The following TMC3 variants were observed in gnomAD, a reference collection of about 807,000 sequenced individuals.
TMC3 encodes the protein transmembrane channel-like protein 3.
TMC3 carries 98 observed loss-of-function variants against 110.6 expected under a neutral mutation model. That is an observed-to-expected ratio of 0.89 (90% CI 0.75 to 1.05). The LOEUF (loss-of-function observed/expected upper bound fraction) is 1.05, where lower values mean the gene tolerates loss of function less well. Among genes scored for constraint, TMC3 ranks in the 50% least tolerant of loss-of-function variants. TMC3 has a pLI of 0.00. For missense variants in TMC3, 1,319 were observed against 1,373.2 expected, an observed-to-expected ratio of 0.96 and a Z score of 0.62; for synonymous variants, 489 against 513.1, an observed-to-expected ratio of 0.95 and a Z score of 0.63.
In TMC3 at chr15:81,331,344, T is replaced by C. The variant is rs1893458119; in HGVS notation, c.*1075A>G. The C allele has an allele frequency of 6.6e-6, 1 of 152,226 alleles. No individual in the cohort carries two copies. The highest frequency in any genetic ancestry group is 1.9e-4 in the East Asian group (1 of 5,194). 9.4% of individuals were successfully genotyped at this position (152,226 alleles called of 1,614,324 possible). A position where few individuals can be genotyped will look rare whatever the true frequency, so the allele number is the denominator to read the frequency against. On this transcript the variant is annotated 3_prime_UTR_variant, in exon 22 of 22. Transcript: ENST00000359440. ...CAACCTTGTAACTTTGCAGCTGCGCTAGGGTGGTGAAGCAGGAACTCGCTG... is the reference window on the plus strand; with the variant it reads ...CAACCTTGTAACTTTGCAGCTGCGCCAGGGTGGTGAAGCAGGAACTCGCTG...
At chr15:81,366,832 T>G (rs1327979043) in intron 3 of TMC3, among the ~76,000 whole-genome samples, 1 of 152,178 alleles carries the variant, frequency 6.6e-6, no homozygotes, top group Non-Finnish European at 1.5e-5. Flanking sequence ...TTCAGACATG[T>G]AAAATTTATG....
chr15:81,359,384 G>A lies in TMC3; in HGVS notation c.482C>T (p.Ala161Val). ...INIVLTIMTG[A>V]FIVIPELIAG... The stretch of plus-strand genomic sequence containing the variant: ...TCTTACCTCTGGAATGACAATAAAA[G>A]CACCTGTCATAATGGTGAGCACAAT... The change falls in exon 5 of 22, where the codon GCT becomes GTT. Residue 161 changes from alanine to valine, a missense_variant. By Grantham distance (64) the Ala-to-Val change is moderately conservative. Coordinates refer to ENST00000359440, the MANE Select transcript of TMC3 (RefSeq NM_001080532.3). 1.2e-6 allele frequency: 2 copies of A among 1,604,364 alleles called. No individual in the cohort carries two copies. Among genetic ancestry groups the A allele is most frequent in the Non-Finnish European group, 1.7e-6 (2 of 1,176,016 alleles).
intron 15 of TMC3, among the ~76,000 whole-genome samples, chr15:81,342,538 A>G (rs1893736229): frequency 6.6e-6 from 1 of 152,202 alleles, no homozygotes; most frequent in Non-Finnish European, 1.5e-5. Flanking sequence ...CTGTATTTGT[A>G]AAGATATTTT....
At chr15:81,363,611 G>A (rs944598218) in intron 3 of TMC3, among the ~76,000 whole-genome samples, 12 of 152,142 alleles carry the variant, frequency 7.9e-5, no homozygotes, top group African/African-American at 2.7e-4. Context: ...TTCATCTTCT[G>A]TTCATGATTT....
chr15:81,358,812 T>A (rs73448319), intron 5 of TMC3, among the ~76,000 whole-genome samples: 5,109 of 152,238 alleles, frequency 0.034, 286 homozygotes, highest in African/African-American at 0.11. Flanking sequence ...ATGGATTTTA[T>A]TTCTTTATGT....
Position 81,355,758 on chromosome 15 carries a change from A to G in TMC3, c.902T>C (p.Leu301Ser). The change falls in exon 9 of 22, where the codon TTG becomes TCG. Residue 301 changes from leucine (L) to serine (S), a missense_variant. Leu to Ser is a moderately radical substitution (Grantham distance 145). Transcript: ENST00000359440. ...AIVNSIREAI[L>S]EEQEKKKSKN... ...GCTTTTCTTTTTCTCCTGTTCTTCC[A>G]ATATAGCTTCCTTTAAGAAAAATAC... The G allele has an allele frequency of 2.5e-6, 4 of 1,591,718 alleles. No individual in the cohort carries two copies. The South Asian group carries it at 4.5e-5, about 18-fold the overall frequency.
At chr15:81,364,799 C>T (rs1894273802) in intron 3 of TMC3, among the ~76,000 whole-genome samples, 1 of 151,284 alleles carries the variant, frequency 6.6e-6, no homozygotes, top group Non-Finnish European at 1.5e-5. Flanking sequence ...ATGAAGTTCA[C>T]AGTCACTTCA....
chr15:81,366,376 G>A (rs1894317776), intron 3 of TMC3, among the ~76,000 whole-genome samples: 1 of 152,226 alleles, frequency 6.6e-6, no homozygotes. Context: ...TTGTGGGTTA[G>A]CACGAGCTGA....
chr15:81,335,700 A>G lies in TMC3; in HGVS notation c.2204-725T>C, dbSNP rs182057773. 1,442 of 152,504 alleles carry G rather than the reference A, an allele frequency of 9.5e-3. 7 individuals carry two copies. Among genetic ancestry groups the G allele is most frequent in the Non-Finnish European group, 0.015 (1,002 of 68,186 alleles). 9.4% of individuals were successfully genotyped at this position (152,504 alleles called of 1,614,324 possible). ...AGCCCCTAAAGCCCTTCTGGGTCCCATTCTCATTCATGTAGGCTGTGCCAT... is the reference window on the plus strand; with the variant it reads ...AGCCCCTAAAGCCCTTCTGGGTCCCGTTCTCATTCATGTAGGCTGTGCCAT... On this transcript the variant is annotated intron_variant, in intron 20 of 21. Transcript: ENST00000359440.
chr15:81,346,943 T>C lies in TMC3; in HGVS notation c.1194-500A>G, dbSNP rs139606031. Among the ~76,000 whole-genome samples, 26 of 152,326 alleles carry C rather than the reference T, an allele frequency of 1.7e-4. No homozygotes were observed. In the East Asian group the frequency reaches 4.8e-3, roughly 28 times the overall value. On this transcript the variant is annotated intron_variant, in intron 11 of 21. Coordinates refer to ENST00000359440, the MANE Select transcript of TMC3 (RefSeq NM_001080532.3). ...GCAGAATGCAATTTCAGGACCTCAGTGCTCTGCTTCTGAAATACAGGCTGG... is the reference window on the plus strand; with the variant it reads ...GCAGAATGCAATTTCAGGACCTCAGCGCTCTGCTTCTGAAATACAGGCTGG...
chr15:81,335,011 G>T (rs1413336435), intron 20 of TMC3, 36 bp from the exon 21 acceptor site: 1 of 1,606,072 alleles, frequency 6.2e-7, no homozygotes, highest in South Asian at 1.1e-5. Context: ...GAAGACAGGT[G>T]TCACTGAGCA....
chr15:81,358,723 T>C (rs574523095), intron 5 of TMC3, among the ~76,000 whole-genome samples: 1 of 152,294 alleles, frequency 6.6e-6, no homozygotes, highest in Non-Finnish European at 1.5e-5. Flanking sequence ...GAGCTAGACA[T>C]GGTTTCTACA....
At chr15:81,356,888 A>G (rs944805302) in intron 7 of TMC3, among the ~76,000 whole-genome samples, 1 of 152,226 alleles carries the variant, frequency 6.6e-6, no homozygotes, top group Non-Finnish European at 1.5e-5. Context: ...TGTGTGCCCC[A>G]GGAGCCAGCT....
chr15:81,349,551 G>T lies in TMC3; in HGVS notation c.1100C>A (p.Ser367Tyr). The T allele has an allele frequency of 6.5e-7, 1 of 1,543,384 alleles. No individual in the cohort carries two copies. The highest frequency in any genetic ancestry group is 1.9e-5 in the Admixed American group (1 of 52,130). Residue 367 changes from serine to tyrosine, a missense_variant, in exon 11 of 22, where the codon TCC becomes TAC. Transcript: ENST00000359440. ...WEKNEVSVVV[S>Y]LVTMIAPSAF... ...TGATGGTGCTATCATGGTGACGAGG[G>T]AGACCACCACACTGACCTGCTGAGA...
At chr15:81,341,330 G>A in intron 16 of TMC3, 60 bp downstream of exon 16, 1 of 1,503,566 alleles carries the variant, frequency 6.7e-7, no homozygotes, top group African/African-American at 1.4e-5. Context: ...GGTAAGGCAG[G>A]CATGGATTAT....
At position 81,343,900 on chromosome 15, in the gene TMC3, C is replaced by T. The variant is rs768744894; in HGVS notation, c.1647+17G>A. The T allele has an allele frequency of 3.7e-6, 6 of 1,609,308 alleles. No individual in the cohort carries two copies. In the African/African-American group the frequency reaches 6.7e-5, roughly 18 times the overall value. ...TGGCCATATAAACTTTCCCAACAGA[C>T]ACAGCATTTTACTTACAAACTTGCT... On this transcript the variant is annotated intron_variant, in intron 14 of 21. Coordinates refer to ENST00000359440, the MANE Select transcript of TMC3 (RefSeq NM_001080532.3).
intron 12 of TMC3, among the ~76,000 whole-genome samples, chr15:81,345,630 G>A (rs1452124075): frequency 6.6e-6 from 1 of 152,178 alleles, no homozygotes; most frequent in Non-Finnish European, 1.5e-5. Flanking sequence ...AGCACTTTGG[G>A]AGGTCGAGGC....
chr15:81,349,959 CAA>C (rs59272742), intron 10 of TMC3, among the ~76,000 whole-genome samples: 22 of 107,792 alleles, frequency 2.0e-4, no homozygotes, highest in Non-Finnish European at 2.2e-4. Context: ...CCCATCTCTA[CAA>C]AAAAAAAAAA....
Position 81,363,943 on chromosome 15 carries a change from G to A in TMC3, c.313-1642C>T, listed in dbSNP as rs549797437. On this transcript the variant is annotated intron_variant, in intron 3 of 21. Transcript: ENST00000359440. ...CCCTGAAGTCTAAGAAGCACAGGGC[G>A]GAAAGCCAGAGACCTGAGTTCTAGC... is the stretch of plus-strand genomic sequence containing the variant. Among the ~76,000 whole-genome samples, 4 of 152,268 alleles carry A rather than the reference G, an allele frequency of 2.6e-5. No individual in the cohort carries two copies. The South Asian group carries it at 6.2e-4, about 24-fold the overall frequency.
Sources: gnomAD v4.1 joint callset for allele counts (sites outside exome capture counted in the v4.1 genomes callset) on GRCh38, gnomAD v4.1.1 for gene constraint, MANE v1.5 for transcripts, NCBI Gene and HGNC (gene_info 2026-07-23, HGNC 2026-07-21) for gene names.